CA6: variants seen among roughly 807,000 people sequenced by gnomAD.
CA6 encodes the protein carbonate dehydratase VI.
A neutral mutation model predicts 35.9 loss-of-function variants in CA6; 28 were observed. The ratio of observed to expected loss-of-function variants is 0.78; its 90% CI spans 0.58 to 1.07. The LOEUF is 1.07. CA6 is among the 50% of genes least tolerant of loss of function. The pLI is 0.00. For missense variants in CA6, 377 were observed against 382.0 expected (o/e 0.99, Z 0.11); for synonymous variants, 148 against 152.6 (o/e 0.97, Z 0.22).
At chr1:8,957,710 AG>A (rs1281165828) in intron 3 of CA6, among the ~76,000 whole-genome samples, 1 of 143,956 alleles carries the variant, frequency 6.9e-6, no homozygotes, top group Non-Finnish European at 1.5e-5. Context: ...TCACTTTGGG[AG>A]GCCAAGGCAG....
In CA6 at chr1:8,949,318, G is replaced by C. The variant is rs146139739; in HGVS notation, c.135G>C (p.Gln45His). The C allele has an allele frequency of 1.6e-4, 251 of 1,613,508 alleles. No individual in the cohort carries two copies. The African/African-American group carries it at 2.8e-3, about 18-fold the overall frequency. Reference protein sequence around the residue: ...WPQHYPACGGQRQSPINLQRT... With the variant: ...WPQHYPACGGHRQSPINLQRT... ...AGCACTACCCCGCCTGTGGGGGCCA[G>C]AGACAGTCGCCTATCAACCTACAGA... Residue 45 changes from glutamine to histidine, a missense_variant, in exon 2 of 8, where the codon CAG (glutamine) becomes CAC (histidine). Transcript: ENST00000377443.
At chr1:8,973,839 C>CT (rs1188310126) in intron 7 of CA6, among the ~76,000 whole-genome samples, 2 of 142,130 alleles carry the variant, frequency 1.4e-5, no homozygotes, top group African/African-American at 5.2e-5. Context: ...CTCTTTCTTT[C>CT]TTTTTTTGAC....
At position 8,970,990 on chromosome 1, in the gene CA6, G is replaced by A. The variant is rs1273934725; in HGVS notation, c.844+9G>A. 2 of 1,551,078 alleles carry A rather than the reference G, an allele frequency of 1.3e-6. No homozygotes were observed. Among genetic ancestry groups the A allele is most frequent in the East Asian group, 4.5e-5 (2 of 44,514 alleles). On this transcript the variant is annotated intron_variant, in intron 7 of 7. Coordinates refer to ENST00000377443, the MANE Select transcript of CA6 (RefSeq NM_001215.4). The stretch of plus-strand genomic sequence containing the variant: ...CAACTTCCCGAATCAGGGTGAGTGA[G>A]ACCGACTCTTGATCATGCTCTGCAG...
At chr1:8,947,222 C>G (rs149178469) in intron 1 of CA6, among the ~76,000 whole-genome samples, 59 of 152,256 alleles carry the variant, frequency 3.9e-4, no homozygotes, top group African/African-American at 1.4e-3. Context: ...CTAAACAGCC[C>G]TTTCCAGGGG....
Position 8,945,929 on chromosome 1 carries a change from G to T in CA6, c.43G>T (p.Gly15Cys). ...VLLLSLFLLG[G>C]QAQHVSDWTY... ...TCTGCTGTCCCTGTTCCTGCTGGGT[G>T]GCCAGGCCCAGCATGTGTCTGACTG... The change falls in exon 1 of 8, where the codon GGC (glycine) becomes TGC (cysteine). Residue 15 changes from glycine to cysteine, a missense_variant. Gly to Cys is a radical substitution (Grantham distance 159, BLOSUM62 -3). Coordinates refer to ENST00000377443, the MANE Select transcript of CA6 (RefSeq NM_001215.4). 4 of 1,613,678 alleles carry T rather than the reference G, an allele frequency of 2.5e-6. No individual in the cohort carries two copies. The highest frequency in any genetic ancestry group is 3.4e-6 in the Non-Finnish European group (4 of 1,179,626).
rs535335389 is a variant in CA6 at position 8,960,410 on chromosome 1, A to C, written c.501+1408A>C. On this transcript the variant is annotated intron_variant, in intron 4 of 7. Transcript: ENST00000377443. ...CTGGGAGAAAAATTAAAAAAAAAAA[A>C]CAACTATCATAAATGTTTGAAGAAT... 5.9e-5 allele frequency among the ~76,000 whole-genome samples: 9 copies of C among 152,020 alleles called. No homozygotes were observed. In the South Asian group the frequency reaches 1.7e-3, roughly 28 times the overall value.
intron 2 of CA6, among the ~76,000 whole-genome samples, chr1:8,953,721 C>T (rs930810768): frequency 1.3e-5 from 2 of 152,120 alleles, no homozygotes; most frequent in African/African-American, 4.8e-5. Context: ...CTTGCTTGAT[C>T]GTATAGTAAT....
At chr1:8,956,875 C>T (rs768367233) in intron 2 of CA6, among the ~76,000 whole-genome samples, 12 of 152,134 alleles carry the variant, frequency 7.9e-5, no homozygotes, top group Admixed American at 1.3e-4. Context: ...TGGTTCTGGG[C>T]GGGAAGGAGC....
chr1:8,962,414 T>C (rs1343647558), intron 4 of CA6, among the ~76,000 whole-genome samples, 173 bp from the exon 5 acceptor site: 1 of 151,934 alleles, frequency 6.6e-6, no homozygotes, highest in East Asian at 1.9e-4. Context: ...ACCTGCGTGG[T>C]TGGTAGCAAA....
intron 7 of CA6, 80 bp downstream of exon 7, chr1:8,971,061 T>C (rs1569729928): frequency 1.1e-6 from 1 of 947,074 alleles, no homozygotes; most frequent in East Asian, 2.4e-5. Flanking sequence ...CCATCTCTTC[T>C]GGTGATATAA....
chr1:8,969,246 C>A (rs755224181), intron 6 of CA6, among the ~76,000 whole-genome samples: 1 of 149,814 alleles, frequency 6.7e-6, no homozygotes, highest in Non-Finnish European at 1.5e-5. Context: ...ACCCAGGAGG[C>A]GGATGTTGCA....
Position 8,958,982 on chromosome 1 carries a change from G to A in CA6, c.481G>A (p.Val161Ile), listed in dbSNP as rs761331153. 10 of 1,611,008 alleles carry A rather than the reference G, an allele frequency of 6.2e-6. No individual in the cohort carries two copies. In the Middle Eastern group the frequency reaches 9.9e-4, roughly 160 times the overall value. Residue 161 changes from valine to isoleucine, a missense_variant, in exon 4 of 8, where the codon GTA (valine) becomes ATA (isoleucine). Physicochemically the swap from Val to Ile is conservative, Grantham distance 29. Transcript: ENST00000377443. ...IAQDAPDGLA[V>I]LAAFVEVKNY... The stretch of plus-strand genomic sequence containing the variant: ...CCAAGATGCGCCGGATGGTTTGGCT[G>A]TACTGGCAGCCTTCGTTGAGGTAAG...
At chr1:8,959,555 C>T (rs1569692889) in intron 4 of CA6, among the ~76,000 whole-genome samples, 1 of 151,806 alleles carries the variant, frequency 6.6e-6, no homozygotes, top group Non-Finnish European at 1.5e-5. Context: ...CTCAGGTGAT[C>T]CCCCTACCTC....
chr1:8,959,271 G>A (rs1463924191), intron 4 of CA6, among the ~76,000 whole-genome samples: 1 of 151,722 alleles, frequency 6.6e-6, no homozygotes, highest in East Asian at 1.9e-4. Flanking sequence ...AGGGCAAGGG[G>A]AAACCTGCAA....
chr1:8,964,836 C>T (rs1372619250), intron 5 of CA6, among the ~76,000 whole-genome samples: 6 of 152,150 alleles, frequency 3.9e-5, no homozygotes. Context: ...GGTGGTCTGG[C>T]GCGCCCCAGC....
intron 6 of CA6, among the ~76,000 whole-genome samples, 166 bp from the exon 7 acceptor site, chr1:8,970,701 A>G (rs910099996): frequency 2.0e-5 from 3 of 152,040 alleles, no homozygotes; most frequent in African/African-American, 7.2e-5. Flanking sequence ...AGGTTTCACC[A>G]TGTTGGCCAG....
rs149906899 is a variant in CA6 at position 8,959,105 on chromosome 1, A to G, written c.501+103A>G. 688 of 706,178 alleles carry G rather than the reference A, an allele frequency of 9.7e-4. 2 individuals carry two copies. The highest frequency in any genetic ancestry group is 7.6e-3 in the Middle Eastern group (31 of 4,094). 43.7% of individuals were successfully genotyped at this position (706,178 alleles called of 1,614,324 possible). The stretch of plus-strand genomic sequence containing the variant: ...ACAGTCTTCTTTATTATCACTCTTC[A>G]TCTTTTCCTGAGCTCACAGTTCTTG... On this transcript the variant is annotated intron_variant, in intron 4 of 7. Coordinates refer to ENST00000377443, the MANE Select transcript of CA6 (RefSeq NM_001215.4).
rs34739263 is a variant in CA6 at position 8,965,886 on chromosome 1, C to CAA, written c.572-1760_572-1759dup. Reference sequence around the variant, plus strand: ...TGGGTGACAGAGTGAGACTCTGCTTCAAAAAAAAAAAAAAGGCTGAAGTAT... The same window carrying CAA: ...TGGGTGACAGAGTGAGACTCTGCTTCAAAAAAAAAAAAAAAAGGCTGAAGTAT... On this transcript the variant is annotated intron_variant, in intron 5 of 7. Transcript: ENST00000377443. Among the ~76,000 whole-genome samples the CAA allele has an allele frequency of 4.2e-3, 562 of 133,720 alleles. 7 individuals are homozygous for CAA. Among genetic ancestry groups the CAA allele is most frequent in the African/African-American group, 0.014 (517 of 37,982 alleles). 87.7% of individuals were successfully genotyped at this position (133,720 alleles called of 152,430 possible). A position where few individuals can be genotyped will look rare whatever the true frequency, so the allele number is the denominator to read the frequency against.
intron 5 of CA6, among the ~76,000 whole-genome samples, chr1:8,964,073 C>A (rs1386513679): frequency 6.6e-6 from 1 of 152,192 alleles, no homozygotes; most frequent in Non-Finnish European, 1.5e-5. Context: ...CCTTAACCCA[C>A]GTGCATCTGG....
Sources: gnomAD v4.1 joint callset for allele counts (sites outside exome capture counted in the v4.1 genomes callset) on GRCh38, gnomAD v4.1.1 for gene constraint, MANE v1.5 for transcripts, NCBI Gene and HGNC (gene_info 2026-07-23, HGNC 2026-07-21) for gene names.